Variants in CACNA1D observed in about 807,000 individuals in gnomAD.
CACNA1D encodes voltage-dependent L-type calcium channel subunit alpha-1D.
In CACNA1D, 55 loss-of-function variants were observed where a neutral mutation model predicts 257.1. The ratio of observed to expected loss-of-function variants is 0.21; its 90% confidence interval spans 0.17 to 0.27. The LOEUF (loss-of-function observed/expected upper bound fraction) is 0.27, where lower values mean the gene tolerates loss of function less well. Ranked by LOEUF, CACNA1D falls within the 10% of genes least tolerant of loss-of-function variation. CACNA1D has a pLI of 1.00. For synonymous variants in CACNA1D, 980 were observed against 1,014.9 expected (o/e 0.97, Z 0.65); for missense variants, 1,876 against 2,784.0 (o/e 0.67, Z 7.34).
Position 53,513,473 on chromosome 3 carries a change from A to G in CACNA1D, c.483+11753A>G, listed in dbSNP as rs2091205390. On this transcript the variant is annotated intron_variant, in intron 3 of 47. Coordinates refer to ENST00000350061, the MANE Select transcript of CACNA1D (RefSeq NM_001128840.3). ...CTGGTGAAACCTCGTCTCTACCAAA[A>G]ATACAAAAAAATTAGCTGGGCGTGG... Among the ~76,000 whole-genome samples the G allele has an allele frequency of 3.9e-5, 6 of 152,158 alleles. No individual in the cohort carries two copies. The South Asian group carries it at 1.2e-3, about 32-fold the overall frequency.
At chr3:53,659,964 G>T (rs190276356) in intron 4 of CACNA1D, among the ~76,000 whole-genome samples, 169 bp from the exon 5 acceptor site, 2 of 152,284 alleles carry the variant, frequency 1.3e-5, no homozygotes, top group East Asian at 3.9e-4. Context: ...TTTGGAGATG[G>T]CGTCGTTTGT....
At chr3:53,713,097 T>C (rs1287715125) in intron 9 of CACNA1D, among the ~76,000 whole-genome samples, 1 of 152,176 alleles carries the variant, frequency 6.6e-6, no homozygotes, top group African/African-American at 2.4e-5. Flanking sequence ...GCTTCCCTCC[T>C]GAGGGTGGTG....
intron 3 of CACNA1D, among the ~76,000 whole-genome samples, chr3:53,573,404 C>G (rs1337407058): frequency 1.3e-5 from 2 of 152,192 alleles, no homozygotes; most frequent in East Asian, 3.8e-4. Flanking sequence ...TTTGTACTTG[C>G]TCGGCCTTCT....
At chr3:53,747,682 G>A (rs2095183939) in intron 26 of CACNA1D, among the ~76,000 whole-genome samples, 1 of 152,254 alleles carries the variant, frequency 6.6e-6, no homozygotes. Flanking sequence ...CTGGGTGGAA[G>A]CAGGGAGGCC....
At chr3:53,674,972 A>G (rs553939506) in intron 8 of CACNA1D, among the ~76,000 whole-genome samples, 1 of 152,328 alleles carries the variant, frequency 6.6e-6, no homozygotes, top group Admixed American at 6.5e-5. Flanking sequence ...TGAGTTAGTG[A>G]AAGGCTTTAA....
intron 8 of CACNA1D, among the ~76,000 whole-genome samples, chr3:53,684,621 C>CAAAAAAAAAAAAA (rs60026644): frequency 2.4e-5 from 2 of 84,508 alleles, no homozygotes; most frequent in Non-Finnish European, 4.7e-5. Flanking sequence ...GAAACTCTGT[C>CAAAAAAAAAAAAA]AAAAAAAAAA....
chr3:53,654,621 GC>G (rs1384644061), intron 4 of CACNA1D, among the ~76,000 whole-genome samples: 1 of 152,086 alleles, frequency 6.6e-6, no homozygotes, highest in African/African-American at 2.4e-5. Context: ...TTTATTTACT[GC>G]CTACTTTGGC....
At chr3:53,657,986 T>C (rs1335310994) in intron 4 of CACNA1D, among the ~76,000 whole-genome samples, 4 of 152,264 alleles carry the variant, frequency 2.6e-5, no homozygotes, top group African/African-American at 7.2e-5. Flanking sequence ...AATAAAGATA[T>C]ATTTCAAGCA....
In CACNA1D at chr3:53,726,664, A is replaced by C. The variant is rs1348631992; in HGVS notation, c.2101-215A>C. Among the ~76,000 whole-genome samples the C allele has an allele frequency of 5.8e-5, 8 of 138,816 alleles. No homozygotes were observed. The East Asian group carries it at 1.1e-3, about 19-fold the overall frequency. The allele number at this position is 138,816 out of a possible 152,430, so 91.1% of individuals were successfully genotyped here. A position where few individuals can be genotyped will look rare whatever the true frequency, so the allele number is the denominator to read the frequency against. The stretch of plus-strand genomic sequence containing the variant: ...AACAAACAAACACTTAAGTCTTAAT[A>C]ATAAGGTTATTTTTTTTCACTCAAA... On this transcript the variant is annotated intron_variant, in intron 14 of 47. Transcript: ENST00000350061.
chr3:53,694,842 G>A (rs747942848), intron 8 of CACNA1D, among the ~76,000 whole-genome samples: 19 of 152,068 alleles, frequency 1.2e-4, no homozygotes, highest in African/African-American at 3.1e-4. Context: ...GACCCTGGGC[G>A]ATGCAGTCAC....
At position 53,810,236 on chromosome 3, in the gene CACNA1D, C is replaced by T. The variant is rs753809015; in HGVS notation, c.6130C>T (p.Pro2044Ser). 6.2e-7 allele frequency: 1 copy of T among 1,613,948 alleles called. No individual in the cohort carries two copies. The highest frequency in any genetic ancestry group is 1.1e-5 in the South Asian group (1 of 91,082). Reference sequence around the variant, plus strand: ...TTTCACACCAGCCAGCCTGACTGTCCCCAGCAGCTTCCGGAACAAAAACAG... The same window carrying T: ...TTTCACACCAGCCAGCCTGACTGTCTCCAGCAGCTTCCGGAACAAAAACAG... Reference protein sequence around the residue: ...RTFTPASLTVPSSFRNKNSDK... With the variant: ...RTFTPASLTVSSSFRNKNSDK... The change falls in exon 47 of 48, where the codon CCC (proline) becomes TCC (serine). Residue 2044 changes from proline to serine, a missense_variant. Physicochemically the swap from Pro to Ser is moderately conservative, Grantham distance 74 (BLOSUM62 -1). Around this residue, in one of 10 missense-constraint regions of CACNA1D, gnomAD observed 491 missense variants for 554.3 expected, o/e 0.89. Coordinates refer to ENST00000350061, the MANE Select transcript of CACNA1D (RefSeq NM_001128840.3).
chr3:53,527,043 C>T (rs1207101007), intron 3 of CACNA1D, among the ~76,000 whole-genome samples: 1 of 152,198 alleles, frequency 6.6e-6, no homozygotes, highest in Non-Finnish European at 1.5e-5. Context: ...CATTATAGCC[C>T]TCACAGAATG....
chr3:53,734,959 G>A (rs987393137), intron 19 of CACNA1D, among the ~76,000 whole-genome samples: 1 of 152,116 alleles, frequency 6.6e-6, no homozygotes, highest in Non-Finnish European at 1.5e-5. Context: ...TCCTCTCTCA[G>A]TCAGGGAAGA....
chr3:53,520,855 TTTC>T (rs2091529688), intron 3 of CACNA1D, among the ~76,000 whole-genome samples: 2 of 77,138 alleles, frequency 2.6e-5, no homozygotes, highest in Non-Finnish European at 5.0e-5. Context: ...AACTCCTTTC[TTTC>T]TTTCTTTCTT....
chr3:53,747,375 G>C lies in CACNA1D; in HGVS notation c.3241G>C (p.Asp1081His). 6.2e-7 allele frequency: 1 copy of C among 1,614,098 alleles called. No individual in the cohort carries two copies. Among genetic ancestry groups the C allele is most frequent in the Non-Finnish European group, 8.5e-7 (1 of 1,179,912 alleles). ...CCGTGAACGGATCTGGCAAAACAGT[G>C]ATTTCAACTTCGACAACGTCCTCTC... Reference protein sequence around the residue: ...VVRERIWQNSDFNFDNVLSAM... With the variant: ...VVRERIWQNSHFNFDNVLSAM... Residue 1081 changes from aspartate to histidine, a missense_variant, in exon 26 of 48, where the codon GAT (aspartate) becomes CAT (histidine). This residue lies in a region of CACNA1D where 271 missense variants were observed against 425.5 expected (regional missense o/e 0.64). Coordinates refer to ENST00000350061, the MANE Select transcript of CACNA1D (RefSeq NM_001128840.3).
At chr3:53,761,047 G>A (rs1255794375) in intron 29 of CACNA1D, among the ~76,000 whole-genome samples, 4 of 152,206 alleles carry the variant, frequency 2.6e-5, no homozygotes, top group African/African-American at 9.6e-5. Flanking sequence ...TTCCATCAGG[G>A]AACATTTATC....
chr3:53,802,491 G>A (rs2095541241), intron 43 of CACNA1D, among the ~76,000 whole-genome samples: 1 of 152,244 alleles, frequency 6.6e-6, no homozygotes, highest in South Asian at 2.1e-4. Context: ...AGCCTGTGTG[G>A]CTGGCAGCTC....
chr3:53,615,468 G>A (rs992218176), intron 3 of CACNA1D, among the ~76,000 whole-genome samples: 6 of 152,260 alleles, frequency 3.9e-5, no homozygotes, highest in South Asian at 2.1e-4. Context: ...GACATAATGG[G>A]ACCAAAGTGT....
Position 53,723,717 on chromosome 3 carries a change from A to G in CACNA1D, c.1892+58A>G, listed in dbSNP as rs1263470141. 36 of 1,590,234 alleles carry G rather than the reference A, an allele frequency of 2.3e-5. No individual in the cohort carries two copies. In the Admixed American group the frequency reaches 5.7e-4, roughly 25 times the overall value. ...TATGAACATGAGGCGGCAACCAGTCACATCCCCGGGCAGGTGATGTTCTGC... is the reference window on the plus strand; with the variant it reads ...TATGAACATGAGGCGGCAACCAGTCGCATCCCCGGGCAGGTGATGTTCTGC... On this transcript the variant is annotated intron_variant, in intron 13 of 47. Coordinates refer to ENST00000350061, the MANE Select transcript of CACNA1D (RefSeq NM_001128840.3). The surrounding 1 kb of genome is among the most constrained non-coding windows in gnomAD (Gnocchi z 5.6).
Sources: allele counts gnomAD v4.1 joint callset (sites outside exome capture counted in the v4.1 genomes callset), GRCh38; gene constraint gnomAD v4.1.1; regional missense constraint gnomAD v4.1.1; non-coding constraint Gnocchi (gnomAD v3.1); transcripts MANE v1.5; gene names NCBI Gene and HGNC (gene_info 2026-07-23, HGNC 2026-07-21).